The following KLRD1 variants were observed in gnomAD, a reference collection of about 807,000 sequenced individuals.
The protein encoded by KLRD1 is natural killer cells antigen CD94.
In KLRD1, 21 loss-of-function variants were observed where a neutral mutation model predicts 22.6. That is an observed-to-expected ratio of 0.93 (90% CI 0.66 to 1.34). KLRD1 has a LOEUF of 1.34. Ranked by LOEUF, KLRD1 falls within the 40% of genes most tolerant of loss-of-function variation. The pLI, the probability that KLRD1 is intolerant of heterozygous loss-of-function variation, is 0.00. For missense variants in KLRD1, 183 were observed against 208.6 expected, an observed-to-expected ratio of 0.88 and a Z score of 0.76; for synonymous variants, 59 against 71.1, an observed-to-expected ratio of 0.83 and a Z score of 0.85.
chr12:10,284,792 C>T (rs1949684302), intron 1 of KLRD1, among the ~76,000 whole-genome samples: 3 of 152,126 alleles, frequency 2.0e-5, no homozygotes, highest in African/African-American at 2.4e-5. Context: ...CGAGACCAGC[C>T]TCAACGTGGA....
rs528653322 is a variant in KLRD1, at chr12:10,328,993, A to G, written c.*14200A>G. On this transcript the variant is annotated 3_prime_UTR_variant, in exon 6 of 6. Coordinates refer to ENST00000336164, the MANE Select transcript of KLRD1 (RefSeq NM_002262.5). ...CAGTATGGGGGAAACCACCCCCATG[A>G]TTCAATTATCTCCCACTGGGTCCCT... 6.6e-6 allele frequency: 1 copy of G among 152,304 alleles called. No homozygotes were observed. The highest frequency in any genetic ancestry group is 2.4e-5 in the African/African-American group (1 of 41,560). 9.4% of individuals were successfully genotyped at this position (152,304 alleles called of 1,614,324 possible).
chr12:10,251,155 C>T (rs926020100), intron 1 of KLRD1, among the ~76,000 whole-genome samples: 3 of 152,196 alleles, frequency 2.0e-5, no homozygotes, highest in Non-Finnish European at 2.9e-5. Flanking sequence ...GATGGGGTCT[C>T]ACTCTGTTGC....
In KLRD1 at chr12:10,329,271, G is replaced by T. The variant is rs1252790346; in HGVS notation, c.*14478G>T. 4 of 151,954 alleles carry T rather than the reference G, an allele frequency of 2.6e-5. No individual in the cohort carries two copies. Among genetic ancestry groups the T allele is most frequent in the Admixed American group, 2.6e-4 (4 of 15,266 alleles). The allele number at this position is 151,954 out of a possible 1,614,324, so 9.4% of individuals were successfully genotyped here. ...CCTTTTGATTTATTCTTTGCAGATT[G>T]GTTGTTCAAAAATGTATTGTTAAAT... On this transcript the variant is annotated 3_prime_UTR_variant, in exon 6 of 6. Transcript: ENST00000336164.
chr12:10,261,320 A>G (rs1302416296), intron 1 of KLRD1, among the ~76,000 whole-genome samples: 1 of 152,264 alleles, frequency 6.6e-6, no homozygotes, highest in African/African-American at 2.4e-5. Flanking sequence ...GCAATAACAG[A>G]ACTTCAATAC....
intron 1 of KLRD1, among the ~76,000 whole-genome samples, chr12:10,273,758 AAGTATAATTTCAAAAATTAC>A (rs1302778807): frequency 6.6e-6 from 1 of 152,090 alleles, no homozygotes; most frequent in African/African-American, 2.4e-5. Flanking sequence ...AAAATGATGA[AAGTATAATTTCAAAAATTAC>A]AGAAGAAAAA....
intron 1 of KLRD1, among the ~76,000 whole-genome samples, chr12:10,297,162 C>T (rs1011158492): frequency 2.0e-5 from 3 of 152,196 alleles, no homozygotes; most frequent in Non-Finnish European, 2.9e-5. Flanking sequence ...CCTGTGCTCA[C>T]GCAAGTTGTA....
rs867929620 is a variant in KLRD1, at chr12:10,324,089, T to G, written c.*9296T>G. ...GTTGACCAGTCTTGTCTTGAACTCC[T>G]GACCTCAACTGCTCCACCTGCCTTG... On this transcript the variant is annotated 3_prime_UTR_variant, in exon 6 of 6. Coordinates refer to ENST00000336164, the MANE Select transcript of KLRD1 (RefSeq NM_002262.5). 6.6e-6 allele frequency: 1 copy of G among 152,304 alleles called. No homozygotes were observed. The highest frequency in any genetic ancestry group is 1.9e-4 in the East Asian group (1 of 5,188). 9.4% of individuals were successfully genotyped at this position (152,304 alleles called of 1,614,324 possible). A position where few individuals can be genotyped will look rare whatever the true frequency, so the allele number is the denominator to read the frequency against.
At chr12:10,270,785 AT>A (rs35919296) in intron 1 of KLRD1, among the ~76,000 whole-genome samples, 100,247 of 130,186 alleles carry the variant, frequency 0.77, 38,031 homozygotes, top group East Asian at 0.9. Flanking sequence ...CCCTCCCGTA[AT>A]TTTTTTTTTT....
rs527763051 is a variant in KLRD1 at position 10,324,434 on chromosome 12, T to G, written c.*9641T>G. On this transcript the variant is annotated 3_prime_UTR_variant, in exon 6 of 6. Coordinates refer to ENST00000336164, the MANE Select transcript of KLRD1 (RefSeq NM_002262.5). ...CCCCAGTGTCTATTGTTTCCTTTTTTTGTGTGCCTGTGTACTCCATGGTTA... is the reference window on the plus strand; with the variant it reads ...CCCCAGTGTCTATTGTTTCCTTTTTGTGTGTGCCTGTGTACTCCATGGTTA... 1 of 152,132 alleles carries G rather than the reference T, an allele frequency of 6.6e-6. No individual in the cohort carries two copies. Among genetic ancestry groups the G allele is most frequent in the African/African-American group, 2.4e-5 (1 of 41,530 alleles). 9.4% of individuals were successfully genotyped at this position (152,132 alleles called of 1,614,324 possible). A position where few individuals can be genotyped will look rare whatever the true frequency, so the allele number is the denominator to read the frequency against.
intron 1 of KLRD1, among the ~76,000 whole-genome samples, chr12:10,288,237 C>T (rs557748153): frequency 1.3e-4 from 18 of 140,758 alleles, no homozygotes; most frequent in African/African-American, 3.6e-4. Context: ...AGCGAGACTC[C>T]GTCTCAAAAA....
chr12:10,250,762 C>T (rs987598381), intron 1 of KLRD1, among the ~76,000 whole-genome samples: 1 of 152,054 alleles, frequency 6.6e-6, no homozygotes, highest in Admixed American at 6.5e-5. Flanking sequence ...TATGTTGAGG[C>T]AAGTCAGTAC....
chr12:10,304,873 G>T (rs1403265912), upstream of KLRD1, among the ~76,000 whole-genome samples: 2 of 152,114 alleles, frequency 1.3e-5, no homozygotes, highest in East Asian at 3.9e-4. Context: ...GATTTTACCA[G>T]GTCAGTAACG....
chr12:10,285,221 A>G (rs552164230), intron 1 of KLRD1, among the ~76,000 whole-genome samples: 1 of 152,334 alleles, frequency 6.6e-6, no homozygotes, highest in South Asian at 2.1e-4. Context: ...TACTATTTAT[A>G]AAATAAATTC....
upstream of KLRD1, among the ~76,000 whole-genome samples, chr12:10,306,682 C>T (rs1949935175): frequency 1.3e-5 from 2 of 152,148 alleles, no homozygotes; most frequent in African/African-American, 4.8e-5. Flanking sequence ...TAAATCACTT[C>T]AACTAAGATT....
At chr12:10,274,700 A>G (rs1189484867) in intron 1 of KLRD1, among the ~76,000 whole-genome samples, 1 of 152,196 alleles carries the variant, frequency 6.6e-6, no homozygotes, top group Non-Finnish European at 1.5e-5. Context: ...AGTAGACATT[A>G]AATATATCCA....
chr12:10,310,001 C>G (rs1203796809), intron 3 of KLRD1, among the ~76,000 whole-genome samples: 1 of 152,206 alleles, frequency 6.6e-6, no homozygotes, highest in East Asian at 1.9e-4. Flanking sequence ...TCCTCATTAC[C>G]TGCCTGAATT....
chr12:10,320,877 A>G lies in KLRD1; in HGVS notation c.*6084A>G, dbSNP rs1236469685. Reference sequence around the variant, plus strand: ...AGCCCCAGGGTATTGTCCCTCAGGTATCTCAGCAGAAGCTCCAGGTAGAGA... The same window carrying G: ...AGCCCCAGGGTATTGTCCCTCAGGTGTCTCAGCAGAAGCTCCAGGTAGAGA... On this transcript the variant is annotated 3_prime_UTR_variant, in exon 6 of 6. Transcript: ENST00000336164. 6.6e-6 allele frequency: 1 copy of G among 152,192 alleles called. No individual in the cohort carries two copies. Among genetic ancestry groups the G allele is most frequent in the Admixed American group, 6.5e-5 (1 of 15,280 alleles). 9.4% of individuals were successfully genotyped at this position (152,192 alleles called of 1,614,324 possible). A position where few individuals can be genotyped will look rare whatever the true frequency, so the allele number is the denominator to read the frequency against.
intron 1 of KLRD1, among the ~76,000 whole-genome samples, chr12:10,299,183 T>G (rs968327947): frequency 7.1e-6 from 1 of 141,426 alleles, no homozygotes; most frequent in East Asian, 2.0e-4. Context: ...CCATTCTGCG[T>G]TTTTTTTTTT....
At chr12:10,249,470 T>A (rs1488762564) in intron 1 of KLRD1, among the ~76,000 whole-genome samples, 1 of 152,126 alleles carries the variant, frequency 6.6e-6, no homozygotes, top group African/African-American at 2.4e-5. Context: ...AAAAGTAGAT[T>A]AGGGAATTCA....
Sources: gnomAD v4.1 joint callset for allele counts (sites outside exome capture counted in the v4.1 genomes callset) on GRCh38, gnomAD v4.1.1 for gene constraint, MANE v1.5 for transcripts, NCBI Gene and HGNC (gene_info 2026-07-23, HGNC 2026-07-21) for gene names.